ZC3H13: variants seen among roughly 807,000 people sequenced by gnomAD.
The protein encoded by ZC3H13 is zinc finger CCCH-type containing 13, also known as zinc finger CCCH domain-containing protein 13.
ZC3H13 carries 64 observed loss-of-function variants against 204.1 expected under a neutral mutation model. That is an observed-to-expected ratio of 0.31 (90% CI 0.26 to 0.39). ZC3H13 has a LOEUF of 0.39. Ranked by LOEUF, ZC3H13 falls within the 10% of genes least tolerant of loss-of-function variation. The pLI, the probability that ZC3H13 is intolerant of heterozygous loss-of-function variation, is 1.00. For missense variants in ZC3H13, 1,833 were observed against 2,082.7 expected (o/e 0.88, Z 2.33); for synonymous variants, 667 against 693.7 (o/e 0.96, Z 0.60).
In ZC3H13 at chr13:46,011,504, C is replaced by T; in HGVS notation, c.499G>A (p.Glu167Lys). 6.2e-7 allele frequency: 1 copy of T among 1,600,860 alleles called. No homozygotes were observed. Among genetic ancestry groups the T allele is most frequent in the Non-Finnish European group, 8.5e-7 (1 of 1,173,340 alleles). Residue 167 changes from glutamate (E) to lysine (K), a missense_variant, in exon 6 of 19, where the codon GAA becomes AAA. Physicochemically the swap from Glu to Lys is moderately conservative, Grantham distance 56 (BLOSUM62 1). Coordinates refer to ENST00000679008, the MANE Select transcript of ZC3H13 (RefSeq NM_001330564.2). ...NYDYVHELSL[E>K]MKRQKIQREL... ...CTCTGTATCTTCTGACGCTTCATTTCCAATGACAATTCATGAACATAATCA... is the reference window on the plus strand; with the variant it reads ...CTCTGTATCTTCTGACGCTTCATTTTCAATGACAATTCATGAACATAATCA...
At chr13:46,040,717 T>C (rs2139127541) in intron 4 of ZC3H13, among the ~76,000 whole-genome samples, 1 of 152,266 alleles carries the variant, frequency 6.6e-6, no homozygotes, top group Admixed American at 6.5e-5. Context: ...GATAAGGGAC[T>C]TGTATCCAAA....
At chr13:46,009,926 T>C (rs2041425825) in intron 7 of ZC3H13, among the ~76,000 whole-genome samples, 1 of 152,258 alleles carries the variant, frequency 6.6e-6, no homozygotes, top group East Asian at 1.9e-4. Context: ...TAAGGTTATA[T>C]GTATCAATAT....
chr13:46,016,597 G>C (rs2041922376), intron 5 of ZC3H13, among the ~76,000 whole-genome samples: 1 of 152,054 alleles, frequency 6.6e-6, no homozygotes, highest in Non-Finnish European at 1.5e-5. Context: ...GGAGTGACTA[G>C]AAGAAAACAC....
rs536383447 is a variant in ZC3H13 at position 46,026,251 on chromosome 13, TA to T, written c.340-5695del. ...CAGATAACCAAAATAACATCATCTCTAAAAAGTACAAAAAGAATTAAAATGA... is the reference window on the plus strand; with the variant it reads ...CAGATAACCAAAATAACATCATCTCTAAAAGTACAAAAAGAATTAAAATGA... On this transcript the variant is annotated intron_variant, in intron 4 of 18. Coordinates refer to ENST00000679008, the MANE Select transcript of ZC3H13 (RefSeq NM_001330564.2). 7.3e-3 allele frequency among the ~76,000 whole-genome samples: 1,107 copies of T among 152,132 alleles called. 8 individuals carry two copies. The highest frequency in any genetic ancestry group is 0.012 in the Non-Finnish European group (822 of 67,960).
chr13:45,994,511 G>A (rs982196886), intron 8 of ZC3H13, among the ~76,000 whole-genome samples: 9 of 152,282 alleles, frequency 5.9e-5, no homozygotes, highest in Admixed American at 3.3e-4. Context: ...ATGAAACGTG[G>A]TTCAAGGTAA....
At chr13:45,962,199 C>G in intron 17 of ZC3H13, 1 of 985,328 alleles carries the variant, frequency 1.0e-6, no homozygotes, top group Non-Finnish European at 1.2e-6. Flanking sequence ...AAGACAAAGT[C>G]TTTATTCAAG....
intron 7 of ZC3H13, among the ~76,000 whole-genome samples, chr13:46,009,775 A>G (rs2041412552): frequency 6.6e-6 from 1 of 152,178 alleles, no homozygotes; most frequent in South Asian, 2.1e-4. Context: ...TAAGTTATAA[A>G]GAATTCAATC....
chr13:46,047,904 A>C (rs56813530), intron 1 of ZC3H13, among the ~76,000 whole-genome samples: 116,868 of 151,454 alleles, frequency 0.77, 45,448 homozygotes, highest in African/African-American at 0.86. Context: ...AGGCACAACC[A>C]TCCCACCACA....
At chr13:46,044,360 T>C (rs2043799301) in intron 3 of ZC3H13, among the ~76,000 whole-genome samples, 1 of 151,962 alleles carries the variant, frequency 6.6e-6, no homozygotes, top group South Asian at 2.1e-4. Context: ...ATAATCATCA[T>C]GAGGGAACCA....
intron 7 of ZC3H13, among the ~76,000 whole-genome samples, chr13:46,004,301 G>C (rs1376111093): frequency 4.7e-5 from 3 of 64,390 alleles, no homozygotes; most frequent in East Asian, 1.1e-3. Context: ...TTGGGAGGCA[G>C]AGGAGGGAGG....
intron 9 of ZC3H13, among the ~76,000 whole-genome samples, chr13:45,987,074 C>T (rs547403600): frequency 6.6e-6 from 1 of 152,264 alleles, no homozygotes; most frequent in Non-Finnish European, 1.5e-5. Flanking sequence ...TCACTTAGTG[C>T]CAGATCTTTT....
chr13:46,040,610 T>C (rs2043511392), intron 4 of ZC3H13, among the ~76,000 whole-genome samples: 1 of 151,966 alleles, frequency 6.6e-6, no homozygotes. Context: ...GTAAGTCAGA[T>C]TTCATCAAAT....
chr13:45,997,042 A>G (rs1001645761), intron 8 of ZC3H13, among the ~76,000 whole-genome samples: 2 of 152,238 alleles, frequency 1.3e-5, no homozygotes, highest in African/African-American at 4.8e-5. Context: ...TTTTAAAAAA[A>G]TATTATGGGA....
chr13:46,034,674 G>A (rs976475723), intron 4 of ZC3H13, among the ~76,000 whole-genome samples: 33 of 152,022 alleles, frequency 2.2e-4, no homozygotes, highest in African/African-American at 7.7e-4. Flanking sequence ...TTATACAGGT[G>A]GCACATCTGT....
intron 4 of ZC3H13, 98 bp downstream of exon 4, chr13:46,042,066 C>CACATTTACCAT: frequency 1.1e-6 from 1 of 917,566 alleles, no homozygotes; most frequent in Non-Finnish European, 1.7e-6. Flanking sequence ...TGCCGTATTA[C>CACATTTACCAT]ACATTTACCA....
chr13:46,051,449 A>T (rs2044411056), intron 1 of ZC3H13, among the ~76,000 whole-genome samples: 1 of 152,192 alleles, frequency 6.6e-6, no homozygotes, highest in Admixed American at 6.5e-5. Context: ...TTCATTAAGA[A>T]AATAAAAATT....
At chr13:46,045,155 A>G (rs2043859622) in intron 2 of ZC3H13, 91 bp from the exon 3 acceptor site, 1 of 1,205,414 alleles carries the variant, frequency 8.3e-7, no homozygotes, top group Non-Finnish European at 1.2e-6. Context: ...TGCTACCAAA[A>G]TTCCAGCTAA....
chr13:46,047,097 T>G (rs2044022164), intron 1 of ZC3H13, among the ~76,000 whole-genome samples: 1 of 152,170 alleles, frequency 6.6e-6, no homozygotes, highest in Non-Finnish European at 1.5e-5. Flanking sequence ...TAAATCGTGG[T>G]AGTACCTAAT....
chr13:46,029,867 T>A (rs1013297723), intron 4 of ZC3H13, among the ~76,000 whole-genome samples: 2 of 152,072 alleles, frequency 1.3e-5, no homozygotes, highest in Admixed American at 6.5e-5. Flanking sequence ...TATTAGCAAA[T>A]CAAAAAGTAA....
Sources: allele counts gnomAD v4.1 joint callset (sites outside exome capture counted in the v4.1 genomes callset), GRCh38; gene constraint gnomAD v4.1.1; transcripts MANE v1.5; gene names NCBI Gene and HGNC (gene_info 2026-07-23, HGNC 2026-07-21).